Variants in PAQR8 observed in about 807,000 individuals in gnomAD.
PAQR8 encodes membrane progestin receptor beta.
PAQR8 carries 17 observed loss-of-function variants against 25.2 expected under a neutral mutation model. The ratio of observed to expected loss-of-function variants is 0.67; its 90% confidence interval spans 0.46 to 1.01. The LOEUF (loss-of-function observed/expected upper bound fraction) is 1.01. Among genes scored for constraint, PAQR8 ranks in the 50% least tolerant of loss-of-function variants. The probability of loss-of-function intolerance (pLI) is 0.00; values close to 1 mark genes in which losing one functional copy is unlikely to be tolerated. For missense variants in PAQR8, 392 were observed against 448.4 expected (o/e 0.87, Z 1.14); for synonymous variants, 204 against 190.6 (o/e 1.07, Z -0.58).
chr6:52,391,050 A>G (rs903381237), intron 1 of PAQR8, among the ~76,000 whole-genome samples: 3 of 152,244 alleles, frequency 2.0e-5, no homozygotes, highest in Non-Finnish European at 4.4e-5. Flanking sequence ...CAATCCCTTC[A>G]TGGCAATAGC....
chr6:52,391,828 G>C (rs577588928), intron 1 of PAQR8, among the ~76,000 whole-genome samples: 1 of 152,280 alleles, frequency 6.6e-6, no homozygotes, highest in South Asian at 2.1e-4. Flanking sequence ...AGGAATTGCT[G>C]CTCATTTGTC....
At chr6:52,363,115 C>T (rs1305048812) in intron 1 of PAQR8, among the ~76,000 whole-genome samples, 1 of 152,078 alleles carries the variant, frequency 6.6e-6, no homozygotes, top group Non-Finnish European at 1.5e-5. Context: ...CGGGCATCCC[C>T]AGACGGAGGC....
chr6:52,398,007 C>T (rs1005903384), intron 1 of PAQR8, among the ~76,000 whole-genome samples: 1 of 152,108 alleles, frequency 6.6e-6, no homozygotes, highest in Non-Finnish European at 1.5e-5. Flanking sequence ...GCAGACCCCA[C>T]TTGACAGTGG....
At chr6:52,399,541 A>G (rs1383023606) in intron 1 of PAQR8, among the ~76,000 whole-genome samples, 3 of 152,220 alleles carry the variant, frequency 2.0e-5, no homozygotes, top group Admixed American at 6.5e-5. Flanking sequence ...GTGTGGTTAT[A>G]TATTATTTAA....
rs998996206 is a variant in PAQR8 at position 52,384,396 on chromosome 6, G to A, written c.-52-18766G>A. ...CAGGCAGACCTAGCAAAGGTGTGGCGGGTGGAGGGTGAGGAGTGCTGGTTA... is the reference window on the plus strand; with the variant it reads ...CAGGCAGACCTAGCAAAGGTGTGGCAGGTGGAGGGTGAGGAGTGCTGGTTA... On this transcript the variant is annotated intron_variant, in intron 1 of 1. Transcript: ENST00000442253. Among the ~76,000 whole-genome samples the A allele has an allele frequency of 3.9e-5, 6 of 152,146 alleles. No homozygotes were observed. The South Asian group carries it at 8.3e-4, about 21-fold the overall frequency.
chr6:52,384,980 G>A (rs562027465), intron 1 of PAQR8, among the ~76,000 whole-genome samples: 30 of 152,170 alleles, frequency 2.0e-4, no homozygotes, highest in Non-Finnish European at 4.3e-4. Context: ...AATGAAACTG[G>A]TCTCCTACCT....
intron 1 of PAQR8, among the ~76,000 whole-genome samples, chr6:52,395,127 G>C (rs968512200): frequency 3.3e-5 from 5 of 151,938 alleles, no homozygotes; most frequent in Admixed American, 2.0e-4. Flanking sequence ...AATTAGCTGG[G>C]CATAGTGGCA....
At position 52,365,319 on chromosome 6, in the gene PAQR8, G is replaced by C. The variant is rs184949248; in HGVS notation, c.-53+3070G>C. Among the ~76,000 whole-genome samples, 287 of 148,114 alleles carry C rather than the reference G, an allele frequency of 1.9e-3. 1 individual carries two copies. The highest frequency in any genetic ancestry group is 6.7e-3 in the African/African-American group (274 of 41,118). On this transcript the variant is annotated intron_variant, in intron 1 of 1. Transcript: ENST00000442253. ...CTGAACATATCCCTTTTTAAAATTC[G>C]CATTTTTTTTTTCAGGTTGTGTTGC...
At chr6:52,386,757 A>T (rs765338868) in intron 1 of PAQR8, among the ~76,000 whole-genome samples, 3 of 152,230 alleles carry the variant, frequency 2.0e-5, no homozygotes, top group Admixed American at 6.5e-5. Flanking sequence ...TCATACCGCA[A>T]ACCTCAGCAT....
At chr6:52,365,516 G>A (rs1259853439) in intron 1 of PAQR8, among the ~76,000 whole-genome samples, 2 of 151,986 alleles carry the variant, frequency 1.3e-5, no homozygotes, top group Admixed American at 6.6e-5. Flanking sequence ...ACTTGAGTTC[G>A]GTGCCGGACA....
intron 1 of PAQR8, among the ~76,000 whole-genome samples, chr6:52,401,064 A>G (rs939634984): frequency 2.6e-5 from 4 of 152,246 alleles, no homozygotes; most frequent in African/African-American, 9.6e-5. Flanking sequence ...AGAGAATTCT[A>G]TAACTTGCCC....
At chr6:52,367,551 T>C (rs567162658) in intron 1 of PAQR8, among the ~76,000 whole-genome samples, 15 of 152,362 alleles carry the variant, frequency 9.8e-5, no homozygotes, top group Admixed American at 3.9e-4. Context: ...TAACCTATTA[T>C]GTACAGAAAG....
chr6:52,398,657 G>A (rs1763796378), intron 1 of PAQR8, among the ~76,000 whole-genome samples: 1 of 152,112 alleles, frequency 6.6e-6, no homozygotes, highest in African/African-American at 2.4e-5. Context: ...GGGTTCAAGT[G>A]ATTCTCCTGC....
At chr6:52,376,326 T>TGTC (rs1322092455) in intron 1 of PAQR8, among the ~76,000 whole-genome samples, 2 of 152,184 alleles carry the variant, frequency 1.3e-5, no homozygotes, top group Non-Finnish European at 2.9e-5. Flanking sequence ...CAGGCCTGCC[T>TGTC]GTCTCTAAGA....
chr6:52,376,531 G>A (rs1046170903), intron 1 of PAQR8, among the ~76,000 whole-genome samples: 5 of 152,288 alleles, frequency 3.3e-5, no homozygotes, highest in African/African-American at 9.6e-5. Context: ...AGTCTCAACT[G>A]AATATTGGAT....
chr6:52,382,722 AC>A (rs1241452821), intron 1 of PAQR8, among the ~76,000 whole-genome samples: 1 of 152,098 alleles, frequency 6.6e-6, no homozygotes, highest in African/African-American at 2.4e-5. Flanking sequence ...AATGAAAACC[AC>A]CCACAATGCA....
At chr6:52,378,652 G>A (rs1013499375) in intron 1 of PAQR8, among the ~76,000 whole-genome samples, 2 of 152,024 alleles carry the variant, frequency 1.3e-5, no homozygotes, top group African/African-American at 2.4e-5. Context: ...TTAGCTGGGC[G>A]TGGTGGTGTA....
intron 1 of PAQR8, among the ~76,000 whole-genome samples, chr6:52,395,593 A>G (rs1422593671): frequency 2.0e-5 from 3 of 152,242 alleles, no homozygotes; most frequent in Non-Finnish European, 4.4e-5. Context: ...GGAGTGTTAC[A>G]AAACAAATAA....
chr6:52,397,771 T>TGA (rs1763783369), intron 1 of PAQR8, among the ~76,000 whole-genome samples: 1 of 152,190 alleles, frequency 6.6e-6, no homozygotes, highest in Admixed American at 6.5e-5. Flanking sequence ...CTTGGTCAGC[T>TGA]GATAGTCACA....
Sources: gnomAD v4.1 joint callset for allele counts (sites outside exome capture counted in the v4.1 genomes callset) on GRCh38, gnomAD v4.1.1 for gene constraint, MANE v1.5 for transcripts, NCBI Gene and HGNC (gene_info 2026-07-23, HGNC 2026-07-21) for gene names.